The following KRT6C variants were observed in gnomAD, a reference collection of about 807,000 sequenced individuals.
The protein encoded by KRT6C is keratin 6C.
In KRT6C, 46 loss-of-function variants were observed where a neutral mutation model predicts 49.4. The ratio of observed to expected loss-of-function variants is 0.93; its 90% CI spans 0.74 to 1.19. KRT6C has a LOEUF of 1.19. Ranked by LOEUF, KRT6C falls within the 50% of genes most tolerant of loss-of-function variation. KRT6C has a pLI of 0.00. For missense variants in KRT6C, 552 were observed against 737.5 expected (o/e 0.75, Z 2.91); for synonymous variants, 236 against 297.1 (o/e 0.79, Z 2.12).
In KRT6C at chr12:52,471,473, T is replaced by C; in HGVS notation, c.860A>G (p.Lys287Arg). Residue 287 changes from lysine to arginine, a missense_variant, in exon 4 of 9, where the codon AAG becomes AGG. Physicochemically the swap from Lys to Arg is conservative, Grantham distance 26. This residue lies in a region of KRT6C where 425 missense variants were observed against 439.4 expected (regional missense o/e 0.97). Coordinates refer to ENST00000252250, the MANE Select transcript of KRT6C (RefSeq NM_173086.5). Reference protein sequence around the residue: ...AYMNKVELQAKADTLTDEINF... With the variant: ...AYMNKVELQARADTLTDEINF... ...GATCTCATCTGTGAGAGTGTCTGCC[T>C]TGGCTTGCAGTTCAACCTTGTTCAT... 2 of 1,613,896 alleles carry C rather than the reference T, an allele frequency of 1.2e-6. No individual in the cohort carries two copies. Among genetic ancestry groups the C allele is most frequent in the Non-Finnish European group, 1.7e-6 (2 of 1,179,886 alleles).
At chr12:52,470,731 G>A in intron 5 of KRT6C, 101 bp from the exon 6 acceptor site, 15 of 1,611,098 alleles carry the variant, frequency 9.3e-6, no homozygotes, top group Non-Finnish European at 1.3e-5. Context: ...TGGACCTAAT[G>A]GCTTCTCCTC....
chr12:52,470,094 G>A (rs546332519), intron 6 of KRT6C: 67 of 677,526 alleles, frequency 9.9e-5, no homozygotes, highest in Middle Eastern at 4.1e-4. Context: ...TTAAGCACCC[G>A]CATGAGAATG....
At position 52,470,432 on chromosome 12, in the gene KRT6C, A is replaced by G; in HGVS notation, c.1203+73T>C. 2.5e-6 allele frequency: 4 copies of G among 1,612,958 alleles called. 1 individual carries two copies. Among genetic ancestry groups the G allele is most frequent in the South Asian group, 2.2e-5 (2 of 91,056 alleles). The stretch of plus-strand genomic sequence containing the variant: ...GGTTTACGTTTCAGGAATTATATCA[A>G]ATAATGGCTAATGACTGCCTGATGG... On this transcript the variant is annotated intron_variant, in intron 6 of 8. Coordinates refer to ENST00000252250, the MANE Select transcript of KRT6C (RefSeq NM_173086.5).
Position 52,473,762 on chromosome 12 carries a change from G to A in KRT6C, c.-25C>T, listed in dbSNP as rs1486170683. 2 of 1,614,140 alleles carry A rather than the reference G, an allele frequency of 1.2e-6. No individual in the cohort carries two copies. The highest frequency in any genetic ancestry group is 3.3e-5 in the Admixed American group (2 of 60,024). Reference sequence around the variant, plus strand: ...TGGTTCCAGGAGATGAGAGGGCTGTGGCGAGCGTTGGAGGCTGGAGGCGAG... The same window carrying A: ...TGGTTCCAGGAGATGAGAGGGCTGTAGCGAGCGTTGGAGGCTGGAGGCGAG... On this transcript the variant is annotated 5_prime_UTR_variant, in exon 1 of 9. Coordinates refer to ENST00000252250, the MANE Select transcript of KRT6C (RefSeq NM_173086.5).
rs371894953 is a variant in KRT6C, at chr12:52,471,187, T to A, written c.1022A>T (p.Tyr341Phe). Reference sequence around the variant, plus strand: ...CCGGCTCCTCTGAGCAATCTCCTCGTATTGGGCCTTGACCTCAGCGATGAT... The same window carrying A: ...CCGGCTCCTCTGAGCAATCTCCTCGAATTGGGCCTTGACCTCAGCGATGAT... ...DSIIAEVKAQ[Y>F]EEIAQRSRAE... The change falls in exon 5 of 9, where the codon TAC becomes TTC. Residue 341 changes from tyrosine (Y) to phenylalanine (F), a missense_variant. By Grantham distance (22) the Tyr-to-Phe change is conservative. Around this residue, in one of 3 missense-constraint regions of KRT6C, gnomAD observed 425 missense variants for 439.4 expected, o/e 0.97. Transcript: ENST00000252250. 9 of 1,614,036 alleles carry A rather than the reference T, an allele frequency of 5.6e-6. No individual in the cohort carries two copies. The highest frequency in any genetic ancestry group is 7.6e-6 in the Non-Finnish European group (9 of 1,180,034).
At chr12:52,469,352 G>A in intron 8 of KRT6C, 55 bp from the exon 9 acceptor site, 1 of 1,614,010 alleles carries the variant, frequency 6.2e-7, no homozygotes, top group Non-Finnish European at 8.5e-7. Context: ...CATCCTGCCG[G>A]CCTGAGCCCA....
Position 52,470,953 on chromosome 12 carries a change from C to G in KRT6C, c.1077+179G>C, listed in dbSNP as rs534760286. Among the ~76,000 whole-genome samples the G allele has an allele frequency of 7.7e-4, 118 of 152,260 alleles. 4 individuals are homozygous for G. The highest frequency in any genetic ancestry group is 3.1e-3 in the South Asian group (15 of 4,820). On this transcript the variant is annotated intron_variant, in intron 5 of 8. Transcript: ENST00000252250. ...GGCAGCTTTCCTCCTGCATTGGGTT[C>G]TTTTTCCTCCTTGACTTGCACATAA...
intron 6 of KRT6C, 173 bp downstream of exon 6, chr12:52,470,332 C>G (rs1260809544): frequency 1.7e-6 from 2 of 1,207,244 alleles, no homozygotes; most frequent in Non-Finnish European, 2.4e-6. Flanking sequence ...GAGGCTCATC[C>G]TCTTGGGTGG....
At chr12:52,471,817 A>G (rs1937890844) in intron 2 of KRT6C, 85 bp from the exon 3 acceptor site, 50 of 1,464,736 alleles carry the variant, frequency 3.4e-5, no homozygotes, top group Non-Finnish European at 4.6e-5. Context: ...AATTTCCTGA[A>G]TGGAATATAT....
chr12:52,472,368 C>T, intron 1 of KRT6C, 88 bp from the exon 2 acceptor site: 1 of 1,159,696 alleles, frequency 8.6e-7, no homozygotes, highest in Non-Finnish European at 1.2e-6. Flanking sequence ...TCTTGGAGGT[C>T]CCCATGGTGC....
Position 52,468,943 on chromosome 12 carries a change from G to T in KRT6C, c.*119C>A, listed in dbSNP as rs1476088728. 3 of 1,320,628 alleles carry T rather than the reference G, an allele frequency of 2.3e-6. No individual in the cohort carries two copies. The highest frequency in any genetic ancestry group is 2.9e-5 in the African/African-American group (2 of 68,878). The allele number at this position is 1,320,628 out of a possible 1,614,324, so 81.8% of individuals were successfully genotyped here. ...TGAGGGCACTAAGCATCCATACCCA[G>T]CTCTACCTCGGAGAGCAGGGAAGAC... On this transcript the variant is annotated 3_prime_UTR_variant, in exon 9 of 9. Coordinates refer to ENST00000252250, the MANE Select transcript of KRT6C (RefSeq NM_173086.5).
At chr12:52,470,380 A>G in intron 6 of KRT6C, 125 bp downstream of exon 6, 9 of 1,551,838 alleles carry the variant, frequency 5.8e-6, no homozygotes, top group Non-Finnish European at 8.0e-6. Context: ...GAGGGCAAGA[A>G]CTACACATGT....
Position 52,471,283 on chromosome 12 carries a change from A to C in KRT6C, c.926T>G (p.Met309Arg). 6.2e-7 allele frequency: 1 copy of C among 1,614,220 alleles called. No homozygotes were observed. Among genetic ancestry groups the C allele is most frequent in the Non-Finnish European group, 8.5e-7 (1 of 1,180,032 alleles). Residue 309 changes from methionine (M) to arginine (R), a missense_variant, in exon 5 of 9, where the codon ATG becomes AGG. By Grantham distance (91) the Met-to-Arg change is moderately conservative. Transcript: ENST00000252250. ...RALYDAELSQ[M>R]QTHISDTSVV... Reference sequence around the variant, plus strand: ...GGATGTGTCTGAGATGTGGGTCTGCATCTGGGACAGCTCCTGCAGAACAGA... The same window carrying C: ...GGATGTGTCTGAGATGTGGGTCTGCCTCTGGGACAGCTCCTGCAGAACAGA...
Position 52,469,852 on chromosome 12 carries a change from C to T in KRT6C, c.1242G>A (p.Gln414=), listed in dbSNP as rs778131790. 3 of 1,614,132 alleles carry T rather than the reference C, an allele frequency of 1.9e-6. No individual in the cohort carries two copies. The East Asian group carries it at 6.7e-5, about 36-fold the overall frequency. The change falls in exon 7 of 9, where the codon CAG becomes CAA. Residue 414 remains glutamine, a synonymous_variant. Transcript: ENST00000252250. ...CATCCTTGAGTGCCATCTCCCCACG[C>T]TGCTCAGCATCAGCAATGGCAGCCT... The part of the protein sequence containing the change: ...SLQAAIADAE[Q]RGEMALKDAK...
chr12:52,470,458 G>C (rs750833226), intron 6 of KRT6C, 47 bp downstream of exon 6: 1 of 1,613,972 alleles, frequency 6.2e-7, no homozygotes, highest in African/African-American at 1.3e-5. Context: ...TGCCTGATGG[G>C]TCTAGCAAAA....
At position 52,472,143 on chromosome 12, in the gene KRT6C, G is replaced by C. The variant is rs1937897783; in HGVS notation, c.678C>G (p.Asp226Glu). Residue 226 changes from aspartate (D) to glutamate (E), a missense_variant, in exon 2 of 9, where the codon GAC becomes GAG. Physicochemically the swap from Asp to Glu is conservative, Grantham distance 45. Around this residue, in one of 3 missense-constraint regions of KRT6C, gnomAD observed 425 missense variants for 439.4 expected, o/e 0.97. Transcript: ENST00000252250. Reference protein sequence around the residue: ...QYINNLRRQLDSIVGERGRLD... With the variant: ...QYINNLRRQLESIVGERGRLD... ...GGCGGCCCCGTTCCCCGACGATGCTGTCCAGCTGCCTCCTGAGGTTGTTGA... is the reference window on the plus strand; with the variant it reads ...GGCGGCCCCGTTCCCCGACGATGCTCTCCAGCTGCCTCCTGAGGTTGTTGA... 1 of 1,525,284 alleles carries C rather than the reference G, an allele frequency of 6.6e-7. No homozygotes were observed. The allele number at this position is 1,525,284 out of a possible 1,614,324, so 94.5% of individuals were successfully genotyped here. A position where few individuals can be genotyped will look rare whatever the true frequency, so the allele number is the denominator to read the frequency against.
intron 6 of KRT6C, 107 bp from the exon 7 acceptor site, chr12:52,469,997 G>A: frequency 8.1e-7 from 1 of 1,229,310 alleles, no homozygotes; most frequent in Non-Finnish European, 1.2e-6. Context: ...CAGAGAATGA[G>A]CTTTGACTCT....
At chr12:52,470,315 T>G (rs992765437) in intron 6 of KRT6C, 190 bp downstream of exon 6, 42 of 991,118 alleles carry the variant, frequency 4.2e-5, no homozygotes, top group Non-Finnish European at 6.3e-5. Context: ...GCCTTGCTTG[T>G]GCCTCAGAGG....
At position 52,471,175 on chromosome 12, in the gene KRT6C, G is replaced by A; in HGVS notation, c.1034C>T (p.Ala345Val). Residue 345 changes from alanine to valine, a missense_variant, in exon 5 of 9, where the codon GCT (alanine) becomes GTT (valine). Ala to Val is a moderately conservative substitution (Grantham distance 64, BLOSUM62 0). This residue lies in a region of KRT6C where 425 missense variants were observed against 439.4 expected (regional missense o/e 0.97). Transcript: ENST00000252250. Reference protein sequence around the residue: ...AEVKAQYEEIAQRSRAEAESW... With the variant: ...AEVKAQYEEIVQRSRAEAESW... ...CTCAGCCTCAGCCCGGCTCCTCTGA[G>A]CAATCTCCTCGTATTGGGCCTTGAC... 6.2e-7 allele frequency: 1 copy of A among 1,614,176 alleles called. No homozygotes were observed. The highest frequency in any genetic ancestry group is 1.7e-4 in the Middle Eastern group (1 of 6,060).
Sources: gnomAD v4.1 joint callset for allele counts (sites outside exome capture counted in the v4.1 genomes callset) on GRCh38, gnomAD v4.1.1 for gene constraint, gnomAD v4.1.1 regional missense constraint, MANE v1.5 for transcripts, NCBI Gene and HGNC (gene_info 2026-07-23, HGNC 2026-07-21) for gene names.